MAMDC2: variants seen among roughly 807,000 people sequenced by gnomAD.
MAMDC2 encodes MAM domain-containing protein 2.
A neutral mutation model predicts 89.8 loss-of-function variants in MAMDC2; 57 were observed. That is an observed-to-expected ratio of 0.63 (90% CI 0.51 to 0.79). The LOEUF is 0.79. Among genes scored for constraint, MAMDC2 ranks in the 30% least tolerant of loss-of-function variants. MAMDC2 has a pLI of 0.00. For synonymous variants in MAMDC2, 313 were observed against 293.4 expected, an observed-to-expected ratio of 1.07 and a Z score of -0.68; for missense variants, 800 against 820.6, an observed-to-expected ratio of 0.97 and a Z score of 0.31.
intron 5 of MAMDC2, among the ~76,000 whole-genome samples, chr9:70,124,038 G>T (rs1018658860): frequency 2.6e-5 from 4 of 152,142 alleles, no homozygotes; most frequent in Non-Finnish European, 4.4e-5. Flanking sequence ...TAGATTTGCC[G>T]TGAAAACCTG....
intron 11 of MAMDC2, chr9:70,188,761 G>GCTTTT (rs2032814819): frequency 2.0e-4 from 3 of 15,030 alleles, no homozygotes; most frequent in African/African-American, 5.6e-4. Context: ...CAAAACAATT[G>GCTTTT]ATTTTTTTTT....
intron 11 of MAMDC2, chr9:70,170,981 C>A: frequency 4.5e-6 from 1 of 221,458 alleles, no homozygotes; most frequent in Non-Finnish European, 8.8e-6. Context: ...AATATATTGG[C>A]AGACAAAGGA....
chr9:70,078,449 T>C (rs765564959), intron 2 of MAMDC2, among the ~76,000 whole-genome samples: 1 of 152,148 alleles, frequency 6.6e-6, no homozygotes, highest in African/African-American at 2.4e-5. Context: ...TCAAGCAACC[T>C]TGGGTATGAG....
At chr9:70,221,958 T>TA (rs1472175496) in intron 12 of MAMDC2, among the ~76,000 whole-genome samples, 2 of 152,142 alleles carry the variant, frequency 1.3e-5, no homozygotes, top group Non-Finnish European at 2.9e-5. Flanking sequence ...AAGGTAATAT[T>TA]ATCTGATTTT....
intron 11 of MAMDC2, among the ~76,000 whole-genome samples, chr9:70,187,614 C>A (rs550446283): frequency 7.2e-4 from 110 of 152,212 alleles, no homozygotes; most frequent in Admixed American, 1.4e-3. Flanking sequence ...CTCCCATTCC[C>A]TTTCCCTATC....
At chr9:70,063,440 G>A (rs1827193775) in intron 2 of MAMDC2, among the ~76,000 whole-genome samples, 1 of 152,126 alleles carries the variant, frequency 6.6e-6, no homozygotes, top group East Asian at 1.9e-4. Flanking sequence ...AGTTCGTGAT[G>A]TGCGTGTCCT....
chr9:70,197,736 A>G (rs1377558686), intron 11 of MAMDC2, among the ~76,000 whole-genome samples: 1 of 152,158 alleles, frequency 6.6e-6, no homozygotes, highest in Non-Finnish European at 1.5e-5. Flanking sequence ...AAACAAAACA[A>G]AACAAAAACC....
chr9:70,224,524 A>G lies in MAMDC2; in HGVS notation c.1912-1226A>G, dbSNP rs191476536. Among the ~76,000 whole-genome samples, 22 of 152,306 alleles carry G rather than the reference A, an allele frequency of 1.4e-4. No homozygotes were observed. The East Asian group carries it at 3.5e-3, about 24-fold the overall frequency. On this transcript the variant is annotated intron_variant, in intron 12 of 13. Transcript: ENST00000377182. ...CAGAAGTCTGAAGACTGAAGAACCT[A>G]GAGTTCTGATGTCCAAGGACAGAAG...
intron 11 of MAMDC2, among the ~76,000 whole-genome samples, chr9:70,177,583 A>G (rs1331207578): frequency 6.6e-6 from 1 of 152,168 alleles, no homozygotes; most frequent in Admixed American, 6.5e-5. Flanking sequence ...TAGGAACCTC[A>G]ACATCCTTTC....
At chr9:70,190,276 C>T (rs1175577244) in intron 11 of MAMDC2, among the ~76,000 whole-genome samples, 1 of 152,008 alleles carries the variant, frequency 6.6e-6, no homozygotes, top group Non-Finnish European at 1.5e-5. Flanking sequence ...GTCATTGTTG[C>T]TGTATGTTTG....
At chr9:70,221,812 A>C (rs1034626105) in intron 12 of MAMDC2, among the ~76,000 whole-genome samples, 2 of 152,042 alleles carry the variant, frequency 1.3e-5, no homozygotes, top group Non-Finnish European at 2.9e-5. Context: ...AGGAAGGAAA[A>C]TAAGAGGAAG....
chr9:70,163,546 G>A (rs537809102), intron 9 of MAMDC2, among the ~76,000 whole-genome samples: 1 of 152,086 alleles, frequency 6.6e-6, no homozygotes, highest in South Asian at 2.1e-4. Flanking sequence ...TCGCTTGTTA[G>A]AACAATCACC....
intron 12 of MAMDC2, among the ~76,000 whole-genome samples, chr9:70,225,196 C>G (rs541341960): frequency 1.2e-4 from 18 of 152,276 alleles, no homozygotes; most frequent in African/African-American, 4.3e-4. Flanking sequence ...CTGATTCTCT[C>G]TTCTGCCTGA....
At chr9:70,151,924 G>A (rs530156117) in intron 9 of MAMDC2, among the ~76,000 whole-genome samples, 19 of 152,256 alleles carry the variant, frequency 1.2e-4, no homozygotes, top group African/African-American at 4.1e-4. Context: ...CATGTCAGGT[G>A]TGTTCTTGAG....
chr9:70,047,512 T>G (rs903181538), intron 2 of MAMDC2, among the ~76,000 whole-genome samples: 5 of 152,168 alleles, frequency 3.3e-5, no homozygotes, highest in African/African-American at 1.2e-4. Context: ...TTCATCCATG[T>G]CCCTGCAAAG....
intron 2 of MAMDC2, among the ~76,000 whole-genome samples, chr9:70,105,548 G>A (rs977541367): frequency 4.6e-5 from 7 of 152,062 alleles, no homozygotes; most frequent in South Asian, 4.2e-4. Context: ...TTCACATGGC[G>A]TGACCTAAAA....
intron 9 of MAMDC2, among the ~76,000 whole-genome samples, chr9:70,147,260 AAAAT>A (rs775039346): frequency 6.7e-6 from 1 of 150,176 alleles, no homozygotes; most frequent in Non-Finnish European, 1.5e-5. Context: ...TCCATCTCAA[AAAAT>A]AAATAAATAA....
At chr9:70,140,345 C>T (rs892519855) in intron 8 of MAMDC2, 57 bp downstream of exon 8, 28 of 1,510,558 alleles carry the variant, frequency 1.9e-5, no homozygotes, top group Non-Finnish European at 2.5e-5. Flanking sequence ...GCTTTATTGG[C>T]CATTCCTACT....
At chr9:70,155,438 C>T (rs1050217350) in intron 9 of MAMDC2, among the ~76,000 whole-genome samples, 2 of 152,300 alleles carry the variant, frequency 1.3e-5, no homozygotes, top group Non-Finnish European at 2.9e-5. Flanking sequence ...CCTTGCTCTT[C>T]GTCAAAACCA....
Sources: allele counts gnomAD v4.1 joint callset (sites outside exome capture counted in the v4.1 genomes callset), GRCh38; gene constraint gnomAD v4.1.1; transcripts MANE v1.5; gene names NCBI Gene and HGNC (gene_info 2026-07-23, HGNC 2026-07-21).